Variants in HAUS6 observed in about 807,000 individuals in gnomAD.
The protein encoded by HAUS6 is HAUS augmin-like complex subunit 6.
A neutral mutation model predicts 106.8 loss-of-function variants in HAUS6; 80 were observed. The ratio of observed to expected loss-of-function variants is 0.75; its 90% CI spans 0.63 to 0.90. The LOEUF (loss-of-function observed/expected upper bound fraction) is 0.90, where lower values mean the gene tolerates loss of function less well. Ranked by LOEUF, HAUS6 falls within the 40% of genes least tolerant of loss-of-function variation. The pLI, the probability that HAUS6 is intolerant of heterozygous loss-of-function variation, is 0.00. For synonymous variants in HAUS6, 356 were observed against 379.1 expected, an observed-to-expected ratio of 0.94 and a Z score of 0.71; for missense variants, 1,155 against 1,118.1, an observed-to-expected ratio of 1.03 and a Z score of -0.47.
chr9:19,063,461 A>G, intron 13 of HAUS6, 53 bp downstream of exon 13: 3 of 870,398 alleles, frequency 3.4e-6, no homozygotes, highest in Non-Finnish European at 3.5e-6. Context: ...AATAAATAAT[A>G]TTTTATAATT....
chr9:19,068,255 C>G (rs1172180115), intron 12 of HAUS6, among the ~76,000 whole-genome samples: 1 of 152,062 alleles, frequency 6.6e-6, no homozygotes, highest in African/African-American at 2.4e-5. Flanking sequence ...CTCTTAACAC[C>G]AGGTCCTCAG....
At chr9:19,078,139 G>T in intron 10 of HAUS6, 37 bp downstream of exon 10, 2 of 1,543,882 alleles carry the variant, frequency 1.3e-6, no homozygotes, top group Non-Finnish European at 1.8e-6. Context: ...AAAAAGGTGG[G>T]TGGCGGGGAG....
intron 5 of HAUS6, among the ~76,000 whole-genome samples, chr9:19,088,627 G>C (rs1817679484): frequency 6.6e-6 from 1 of 151,922 alleles, no homozygotes; most frequent in African/African-American, 2.4e-5. Context: ...CAGCACTTTG[G>C]GAGGCCAAGG....
chr9:19,075,462 C>G (rs1427249676), intron 11 of HAUS6, among the ~76,000 whole-genome samples: 1 of 152,202 alleles, frequency 6.6e-6, no homozygotes, highest in Non-Finnish European at 1.5e-5. Context: ...CTTGAAAATA[C>G]TGCACATGTG....
intron 1 of HAUS6, 46 bp downstream of exon 1, chr9:19,102,478 T>C (rs1588634378): frequency 6.3e-7 from 1 of 1,592,992 alleles, no homozygotes; most frequent in Non-Finnish European, 8.6e-7. Context: ...TCCCCCGGCG[T>C]CCCCCGGTTC....
At chr9:19,097,180 A>G (rs1817882721) in intron 1 of HAUS6, among the ~76,000 whole-genome samples, 1 of 152,256 alleles carries the variant, frequency 6.6e-6, no homozygotes, top group Non-Finnish European at 1.5e-5. Flanking sequence ...CATTCAGGAC[A>G]TAGGCATGGG....
intron 7 of HAUS6, among the ~76,000 whole-genome samples, chr9:19,083,722 A>C (rs1837216562): frequency 6.6e-6 from 1 of 151,768 alleles, no homozygotes; most frequent in African/African-American, 2.4e-5. Context: ...GAATGGTGTG[A>C]ACCCGGCAGG....
intron 10 of HAUS6, among the ~76,000 whole-genome samples, chr9:19,077,617 G>A (rs753477082): frequency 3.6e-4 from 55 of 151,946 alleles, no homozygotes; most frequent in Admixed American, 3.2e-3. Flanking sequence ...AGCAACTTAT[G>A]GATATTATAT....
At chr9:19,089,734 G>A (rs1817705148) in intron 4 of HAUS6, 175 bp from the exon 5 acceptor site, 2 of 516,710 alleles carry the variant, frequency 3.9e-6, no homozygotes, top group East Asian at 3.2e-5. Context: ...CAAAAATGTT[G>A]AATTTCAATA....
At position 19,055,079 on chromosome 9, in the gene HAUS6, G is replaced by C. The variant is rs1836439859; in HGVS notation, c.*1264C>G. 6.6e-6 allele frequency: 1 copy of C among 152,166 alleles called. No homozygotes were observed. The highest frequency in any genetic ancestry group is 1.5e-5 in the Non-Finnish European group (1 of 68,016). The allele number at this position is 152,166 out of a possible 1,614,324, so 9.4% of individuals were successfully genotyped here. A position where few individuals can be genotyped will look rare whatever the true frequency, so the allele number is the denominator to read the frequency against. On this transcript the variant is annotated 3_prime_UTR_variant, in exon 17 of 17. Transcript: ENST00000380502. ...TTTGTCTTTTCTCACAAAAAGATGG[G>C]TCTTCACACTGGGACAGGACAACCA...
Position 19,076,685 on chromosome 9 carries a change from G to A in HAUS6, c.1211C>T (p.Pro404Leu). 14 of 1,538,118 alleles carry A rather than the reference G, an allele frequency of 9.1e-6. No homozygotes were observed. Among genetic ancestry groups the A allele is most frequent in the East Asian group, 2.2e-5 (1 of 44,470 alleles). The change falls in exon 11 of 17, where the codon CCA becomes CTA. Residue 404 changes from proline (P) to leucine (L), a missense_variant. By Grantham distance (98) the Pro-to-Leu change is moderately conservative. Coordinates refer to ENST00000380502, the MANE Select transcript of HAUS6 (RefSeq NM_017645.5). The stretch of plus-strand genomic sequence containing the variant: ...AGGATCAAACGAAAGGGGAGACATT[G>A]GTGGTAAAAGATCTACAGACTTAAA... ...GWTPSVDLLP[P>L]MSPLSFDPAS... is the part of the protein sequence containing the mutation.
At chr9:19,090,426 G>A (rs992338378) in intron 4 of HAUS6, among the ~76,000 whole-genome samples, 2 of 152,064 alleles carry the variant, frequency 1.3e-5, no homozygotes, top group East Asian at 1.9e-4. Context: ...ATGCAGTGGC[G>A]TGATCTCGGC....
intron 9 of HAUS6, among the ~76,000 whole-genome samples, chr9:19,080,174 CAAAAAAAAAAAAAAA>C (rs746423003): frequency 1.6e-4 from 6 of 37,592 alleles, no homozygotes; most frequent in Admixed American, 3.0e-4. Flanking sequence ...AACTCCGTCT[CAAAAAAAAAAAAAAA>C]AAAAAAAAAA....
chr9:19,086,508 T>G lies in HAUS6; in HGVS notation c.699+226A>C, dbSNP rs1174203926. Reference sequence around the variant, plus strand: ...GGTGGCGCATGCTTGTAATCCCAGCTACTTAGGAGGCTGAGGCAACAGAAT... The same window carrying G: ...GGTGGCGCATGCTTGTAATCCCAGCGACTTAGGAGGCTGAGGCAACAGAAT... On this transcript the variant is annotated intron_variant, in intron 7 of 16. Transcript: ENST00000380502. 2.0e-5 allele frequency among the ~76,000 whole-genome samples: 3 copies of G among 151,140 alleles called. No homozygotes were observed. The Admixed American group carries it at 2.0e-4, about 10-fold the overall frequency.
In HAUS6 at chr9:19,094,301, C is replaced by T; in HGVS notation, c.303+16G>A. The T allele has an allele frequency of 1.4e-6, 2 of 1,479,008 alleles. No individual in the cohort carries two copies. Among genetic ancestry groups the T allele is most frequent in the Middle Eastern group, 1.8e-4 (1 of 5,528 alleles). 91.6% of individuals were successfully genotyped at this position (1,479,008 alleles called of 1,614,324 possible). A position where few individuals can be genotyped will look rare whatever the true frequency, so the allele number is the denominator to read the frequency against. ...ACTTCTTAAAGTCTGTATCTTCTAA[C>T]AAAAAGAATACTTACAGAAATCCTT... On this transcript the variant is annotated intron_variant, in intron 3 of 16. Transcript: ENST00000380502.
chr9:19,099,035 GA>G (rs1817926732), intron 1 of HAUS6, among the ~76,000 whole-genome samples: 1 of 129,434 alleles, frequency 7.7e-6, no homozygotes, highest in Non-Finnish European at 1.7e-5. Context: ...AAAAAAAAAA[GA>G]AAAAAAGAAA....
At chr9:19,065,935 ATTT>A (rs562370544) in intron 12 of HAUS6, among the ~76,000 whole-genome samples, 24 of 139,988 alleles carry the variant, frequency 1.7e-4, no homozygotes, top group African/African-American at 4.5e-4. Flanking sequence ...ACAGCCAAAA[ATTT>A]TTTTTTTTTT....
intron 1 of HAUS6, among the ~76,000 whole-genome samples, chr9:19,101,629 A>T (rs370996148): frequency 7.9e-5 from 12 of 152,194 alleles, no homozygotes; most frequent in African/African-American, 2.6e-4. Flanking sequence ...ATAATACTTT[A>T]AAAAAATAGA....
rs116224011 is a variant in HAUS6, at chr9:19,086,165, G to C, written c.699+569C>G. 2.6e-3 allele frequency among the ~76,000 whole-genome samples: 396 copies of C among 151,828 alleles called. 2 individuals carry two copies. The highest frequency in any genetic ancestry group is 8.8e-3 in the African/African-American group (362 of 41,366). On this transcript the variant is annotated intron_variant, in intron 7 of 16. Transcript: ENST00000380502. Reference sequence around the variant, plus strand: ...TATCTCTACAAAAATACAAAAATCAGCTGCACATATTGGCACACACCTGTA... The same window carrying C: ...TATCTCTACAAAAATACAAAAATCACCTGCACATATTGGCACACACCTGTA...
Sources: gnomAD v4.1 joint callset for allele counts (sites outside exome capture counted in the v4.1 genomes callset) on GRCh38, gnomAD v4.1.1 for gene constraint, MANE v1.5 for transcripts, NCBI Gene and HGNC (gene_info 2026-07-23, HGNC 2026-07-21) for gene names.